The following ZNF623 variants were observed in gnomAD, a reference collection of about 807,000 sequenced individuals.
The protein encoded by ZNF623 is zinc finger protein 623.
Under a neutral mutation model 24.0 loss-of-function variants are expected in ZNF623, and 16 were observed. That is an observed-to-expected ratio of 0.67 (90% CI 0.45 to 1.01). The LOEUF (loss-of-function observed/expected upper bound fraction) is 1.01. Among genes scored for constraint, ZNF623 ranks in the 50% least tolerant of loss-of-function variants. The pLI is 0.00. For synonymous variants in ZNF623, 224 were observed against 219.8 expected (o/e 1.02, Z -0.17); for missense variants, 566 against 606.5 (o/e 0.93, Z 0.70).
chr8:143,645,413 C>G (rs1815154959), intron 1 of ZNF623, among the ~76,000 whole-genome samples: 1 of 139,568 alleles, frequency 7.2e-6, no homozygotes, highest in Non-Finnish European at 1.6e-5. Flanking sequence ...GCCTGGGCAA[C>G]AGATCGAGAC....
intron 1 of ZNF623, among the ~76,000 whole-genome samples, chr8:143,643,267 A>G (rs7003244): frequency 0.47 from 72,031 of 152,086 alleles, 21,036 homozygotes; most frequent in Non-Finnish European, 0.66. Context: ...GGGCCTCCAG[A>G]TGAGAGCTCA....
intron 1 of ZNF623, among the ~76,000 whole-genome samples, chr8:143,644,923 G>A (rs184592741): frequency 6.6e-6 from 1 of 150,588 alleles, no homozygotes; most frequent in Non-Finnish European, 1.5e-5. Flanking sequence ...GAGTTTGGGA[G>A]TTCGAGACCA....
chr8:143,649,817 A>G (rs1226841039), intron 1 of ZNF623, 81 bp from the exon 2 acceptor site: 5 of 1,524,010 alleles, frequency 3.3e-6, no homozygotes, highest in South Asian at 1.3e-5. Flanking sequence ...CCTCTTGGAT[A>G]TGGATTTTAT....
intron 1 of ZNF623, among the ~76,000 whole-genome samples, chr8:143,646,538 G>GGTATGTGCGT (rs879847250): frequency 0.039 from 4,838 of 122,850 alleles, 252 homozygotes; most frequent in African/African-American, 0.16. Flanking sequence ...TTGCCTGTGG[G>GGTATGTGCGT]GTGTGTGCGT....
intron 1 of ZNF623, among the ~76,000 whole-genome samples, chr8:143,641,857 C>A (rs965069284): frequency 2.0e-5 from 3 of 152,206 alleles, no homozygotes; most frequent in African/African-American, 7.2e-5. Flanking sequence ...TAAACAGATG[C>A]ACTGTCATCC....
rs773538441 is a variant in ZNF623, at chr8:143,650,104, T to A, written c.112T>A (p.Cys38Ser). Residue 38 changes from cysteine to serine, a missense_variant, in exon 2 of 2, where the codon TGC becomes AGC. Coordinates refer to ENST00000526926, the MANE Select transcript of ZNF623 (RefSeq NM_001261843.2). This position sits in a 1 kb window ranked among gnomAD's most constrained non-coding sequence, Gnocchi z 5.2. ...GAGTTCCCCCTCTCAGGACAGGGGC[T>A]GCAAGCAGGTGACAGTGACCCATTG... is the stretch of plus-strand genomic sequence containing the variant. ...LGSSPSQDRG[C>S]KQVTVTHWKI... 6.2e-7 allele frequency: 1 copy of A among 1,614,146 alleles called. No individual in the cohort carries two copies. Among genetic ancestry groups the A allele is most frequent in the Non-Finnish European group, 8.5e-7 (1 of 1,180,024 alleles).
rs964290662 is a variant in ZNF623, at chr8:143,652,038, A to T, written c.*555A>T. ...CACGGTTAATGCTGCAGCAACACCGACTGCTTCATCTTCCCTGTGCTCCAC... is the reference window on the plus strand; with the variant it reads ...CACGGTTAATGCTGCAGCAACACCGTCTGCTTCATCTTCCCTGTGCTCCAC... On this transcript the variant is annotated 3_prime_UTR_variant, in exon 2 of 2. Coordinates refer to ENST00000526926, the MANE Select transcript of ZNF623 (RefSeq NM_001261843.2). 1 of 167,844 alleles carries T rather than the reference A, an allele frequency of 6.0e-6. No homozygotes were observed. The highest frequency in any genetic ancestry group is 6.5e-5 in the Admixed American group (1 of 15,296). The allele number at this position is 167,844 out of a possible 1,614,324, so 10.4% of individuals were successfully genotyped here.
intron 1 of ZNF623, among the ~76,000 whole-genome samples, chr8:143,637,545 T>TATTC (rs1443027820): frequency 2.0e-5 from 1 of 50,050 alleles, no homozygotes; most frequent in Non-Finnish European, 1.3e-4. Context: ...GATATTTATT[T>TATTC]ATTTATTTAT....
At position 143,652,500 on chromosome 8, in the gene ZNF623, T is replaced by A. The variant is rs1358200546; in HGVS notation, c.*1017T>A. The A allele has an allele frequency of 6.0e-6, 1 of 167,114 alleles. No homozygotes were observed. The highest frequency in any genetic ancestry group is 1.5e-5 in the Non-Finnish European group (1 of 68,120). The allele number at this position is 167,114 out of a possible 1,614,324, so 10.4% of individuals were successfully genotyped here. Reference sequence around the variant, plus strand: ...GTATCAGTATAATCTACGATTCTGTTAGAAGTATCTTCTCAGCCCTGCTAC... The same window carrying A: ...GTATCAGTATAATCTACGATTCTGTAAGAAGTATCTTCTCAGCCCTGCTAC... On this transcript the variant is annotated 3_prime_UTR_variant, in exon 2 of 2. Coordinates refer to ENST00000526926, the MANE Select transcript of ZNF623 (RefSeq NM_001261843.2).
chr8:143,645,334 C>T lies in ZNF623; in HGVS notation c.-95-4564C>T, dbSNP rs941417605. 1.3e-4 allele frequency among the ~76,000 whole-genome samples: 19 copies of T among 149,636 alleles called. No homozygotes were observed. In the East Asian group the frequency reaches 3.0e-3, roughly 24 times the overall value. Reference sequence around the variant, plus strand: ...GCGGGCGCCTGTAGTCCCAGTTGCTCGGCAGGAGAATGGCGTGAACCCAGG... The same window carrying T: ...GCGGGCGCCTGTAGTCCCAGTTGCTTGGCAGGAGAATGGCGTGAACCCAGG... On this transcript the variant is annotated intron_variant, in intron 1 of 1. Coordinates refer to ENST00000526926, the MANE Select transcript of ZNF623 (RefSeq NM_001261843.2).
At chr8:143,645,322 G>A (rs1382683021) in intron 1 of ZNF623, among the ~76,000 whole-genome samples, 1 of 151,172 alleles carries the variant, frequency 6.6e-6, no homozygotes, top group Non-Finnish European at 1.5e-5. Context: ...GGCGCCTGTA[G>A]TCCCAGTTGC....
Position 143,652,728 on chromosome 8 carries a change from C to T in ZNF623, c.*1245C>T, listed in dbSNP as rs767163343. 6.0e-6 allele frequency: 1 copy of T among 167,056 alleles called. No homozygotes were observed. The highest frequency in any genetic ancestry group is 1.5e-5 in the Non-Finnish European group (1 of 68,116). 10.3% of individuals were successfully genotyped at this position (167,056 alleles called of 1,614,324 possible). On this transcript the variant is annotated 3_prime_UTR_variant, in exon 2 of 2. Transcript: ENST00000526926. Reference sequence around the variant, plus strand: ...CTTGTCTGTATCTTTCTGTCTCACTCGAAAGGCACAGTCTCAATGCGCTAC... The same window carrying T: ...CTTGTCTGTATCTTTCTGTCTCACTTGAAAGGCACAGTCTCAATGCGCTAC...
chr8:143,645,360 A>G (rs1336915321), intron 1 of ZNF623, among the ~76,000 whole-genome samples: 1 of 151,022 alleles, frequency 6.6e-6, no homozygotes, highest in Non-Finnish European at 1.5e-5. Context: ...TGAACCCAGG[A>G]GGCAGAGCCT....
intron 1 of ZNF623, among the ~76,000 whole-genome samples, chr8:143,638,331 A>G (rs1442651512): frequency 1.1e-5 from 1 of 91,166 alleles, no homozygotes; most frequent in Non-Finnish European, 2.1e-5. Flanking sequence ...ACAGAGTGAG[A>G]TTCCGTCTTA....
Position 143,650,695 on chromosome 8 carries a change from A to G in ZNF623, c.703A>G (p.Ser235Gly). 1 of 1,613,702 alleles carries G rather than the reference A, an allele frequency of 6.2e-7. No homozygotes were observed. The highest frequency in any genetic ancestry group is 1.1e-5 in the South Asian group (1 of 91,066). Reference sequence around the variant, plus strand: ...TGAATGTGGGAAATCCTTCATAAGGAGCTCGAGCCTCATTCGCCATTATCA... The same window carrying G: ...TGAATGTGGGAAATCCTTCATAAGGGGCTCGAGCCTCATTCGCCATTATCA... ...CNECGKSFIR[S>G]SSLIRHYQIH... The change falls in exon 2 of 2, where the codon AGC becomes GGC. Residue 235 changes from serine (S) to glycine (G), a missense_variant. Physicochemically the swap from Ser to Gly is moderately conservative, Grantham distance 56. This residue lies in a region of ZNF623 where 313 missense variants were observed against 300.4 expected (regional missense o/e 1.04). Transcript: ENST00000526926. This position sits in a 1 kb window ranked among gnomAD's most constrained non-coding sequence, Gnocchi z 5.2.
In ZNF623 at chr8:143,650,223, C is replaced by G; in HGVS notation, c.231C>G (p.Leu77=). 1.2e-6 allele frequency: 2 copies of G among 1,614,206 alleles called. No individual in the cohort carries two copies. Among genetic ancestry groups the G allele is most frequent in the Non-Finnish European group, 8.5e-7 (1 of 1,180,048 alleles). ...ACCTTCTTCTGCTTCAGAGAGAGCT[C>G]ATAGAGGGGGAAGCCAATCCTTGCG... ...NSDLLLLQRE[L]IEGEANPCDI... Residue 77 remains leucine, a synonymous_variant, in exon 2 of 2, where the codon CTC becomes CTG. Coordinates refer to ENST00000526926, the MANE Select transcript of ZNF623 (RefSeq NM_001261843.2). This position sits in a 1 kb window ranked among gnomAD's most constrained non-coding sequence, Gnocchi z 5.2.
rs200620650 is a variant in ZNF623, at chr8:143,652,466, G to C, written c.*983G>C. The C allele has an allele frequency of 1.2e-5, 2 of 166,916 alleles. No individual in the cohort carries two copies. Among genetic ancestry groups the C allele is most frequent in the African/African-American group, 4.8e-5 (2 of 41,410 alleles). 10.3% of individuals were successfully genotyped at this position (166,916 alleles called of 1,614,324 possible). A position where few individuals can be genotyped will look rare whatever the true frequency, so the allele number is the denominator to read the frequency against. On this transcript the variant is annotated 3_prime_UTR_variant, in exon 2 of 2. Coordinates refer to ENST00000526926, the MANE Select transcript of ZNF623 (RefSeq NM_001261843.2). ...CTGTTGGCTGTTTTTTTTGTTGTTT[G>C]TTCATTTTGTATCAGTATAATCTAC...
Position 143,650,588 on chromosome 8 carries a change from A to C in ZNF623, c.596A>C (p.Glu199Ala), listed in dbSNP as rs774739003. The stretch of plus-strand genomic sequence containing the variant: ...AGAGAGAGACCTTTTGAATGCAAAG[A>C]GTGTGGGAAAGGCTTCAGTCAGAGC... ...HTRERPFECKECGKGFSQSSL... is the reference protein window; with the variant it reads ...HTRERPFECKACGKGFSQSSL... Residue 199 changes from glutamate (E) to alanine (A), a missense_variant, in exon 2 of 2, where the codon GAG becomes GCG. Coordinates refer to ENST00000526926, the MANE Select transcript of ZNF623 (RefSeq NM_001261843.2). The surrounding 1 kb of genome is among the most constrained non-coding windows in gnomAD (Gnocchi z 5.2). 1 of 1,614,230 alleles carries C rather than the reference A, an allele frequency of 6.2e-7. No homozygotes were observed. The highest frequency in any genetic ancestry group is 1.7e-5 in the Admixed American group (1 of 60,030).
rs1486507431 is a variant in ZNF623, at chr8:143,652,218, G to A, written c.*735G>A. On this transcript the variant is annotated 3_prime_UTR_variant, in exon 2 of 2. Transcript: ENST00000526926. ...GCACTCTCCACACTTCTGTGGCTCA[G>A]TGATTACTGCTATTACTATATTTAC... is the stretch of plus-strand genomic sequence containing the variant. 6.0e-6 allele frequency: 1 copy of A among 167,134 alleles called. No individual in the cohort carries two copies. Among genetic ancestry groups the A allele is most frequent in the Non-Finnish European group, 1.5e-5 (1 of 68,124 alleles). The allele number at this position is 167,134 out of a possible 1,614,324, so 10.4% of individuals were successfully genotyped here.
Sources: allele counts gnomAD v4.1 joint callset (sites outside exome capture counted in the v4.1 genomes callset), GRCh38; gene constraint gnomAD v4.1.1; regional missense constraint gnomAD v4.1.1; non-coding constraint Gnocchi (gnomAD v3.1); transcripts MANE v1.5; gene names NCBI Gene and HGNC (gene_info 2026-07-23, HGNC 2026-07-21).